The following PCDH11Y variants were observed in gnomAD, a reference collection of about 807,000 sequenced individuals.
The protein encoded by PCDH11Y is protocadherin-11 Y-linked.
For synonymous variants in PCDH11Y, 9 were observed against 83.6 expected (o/e 0.11, Z 4.87); for missense variants, 12 against 224.8 (o/e 0.05, Z 6.05).
chrY:5,171,919 G>A, intron 2 of PCDH11Y, among the ~76,000 whole-genome samples: 1 of 32,677 alleles, frequency 3.1e-5, no homozygotes, highest in Non-Finnish European at 7.6e-5. Flanking sequence ...ATGGACTGTG[G>A]GATAAGTGAT....
intron 2 of PCDH11Y, among the ~76,000 whole-genome samples, chrY:5,325,060 C>T (rs1602904436): frequency 9.3e-5 from 3 of 32,416 alleles, no homozygotes; most frequent in Admixed American, 2.9e-4. Flanking sequence ...GGTAACGTCA[C>T]CAGTTAAGGC....
chrY:5,539,784 G>A (rs2053404457), intron 3 of PCDH11Y, among the ~76,000 whole-genome samples: 1 of 31,997 alleles, frequency 3.1e-5, no homozygotes, highest in East Asian at 8.1e-4. Flanking sequence ...GCAAAAACAG[G>A]GTATTGCATA....
intron 2 of PCDH11Y, among the ~76,000 whole-genome samples, chrY:5,336,406 G>T: frequency 3.2e-5 from 1 of 30,866 alleles, no homozygotes; most frequent in Non-Finnish European, 7.7e-5. Context: ...GAGTAGCTGG[G>T]ACTACAGGCG....
intron 2 of PCDH11Y, among the ~76,000 whole-genome samples, chrY:5,489,020 A>G: frequency 3.0e-5 from 1 of 33,013 alleles, no homozygotes; most frequent in African/African-American, 1.2e-4. Context: ...TTCACTGTAA[A>G]TAGAAGCAAA....
intron 2 of PCDH11Y, among the ~76,000 whole-genome samples, chrY:5,372,194 A>T: frequency 3.1e-5 from 1 of 32,098 alleles, no homozygotes; most frequent in Non-Finnish European, 7.7e-5. Flanking sequence ...ATTTGATCAC[A>T]ATCTCTAATT....
intron 1 of PCDH11Y, among the ~76,000 whole-genome samples, chrY:5,087,122 T>G: frequency 3.0e-5 from 1 of 33,681 alleles, no homozygotes; most frequent in African/African-American, 1.2e-4. Flanking sequence ...CAACATGCAA[T>G]CCTTCCCTTG....
chrY:5,653,251 G>A, intron 4 of PCDH11Y, among the ~76,000 whole-genome samples: 1 of 30,144 alleles, frequency 3.3e-5, no homozygotes, highest in Non-Finnish European at 7.9e-5. Context: ...AAGCTGGACA[G>A]AGAATGACTT....
chrY:5,066,030 G>A (rs2563795), intron 1 of PCDH11Y, among the ~76,000 whole-genome samples: 1 of 28,301 alleles, frequency 3.5e-5, no homozygotes, highest in Non-Finnish European at 8.2e-5. Context: ...GTGTAATAAC[G>A]TACTTGAACT....
chrY:5,209,315 T>A (rs2124650835), intron 2 of PCDH11Y, among the ~76,000 whole-genome samples: 1 of 33,239 alleles, frequency 3.0e-5, no homozygotes, highest in East Asian at 8.0e-4. Context: ...CCGCCCCCCA[T>A]CCAGAGACCA....
chrY:5,659,298 A>G, intron 4 of PCDH11Y, among the ~76,000 whole-genome samples: 2 of 32,409 alleles, frequency 6.2e-5, no homozygotes, highest in African/African-American at 1.2e-4. Flanking sequence ...GTTGACTCCA[A>G]GGTTCTAGGG....
chrY:5,695,737 A>C, intron 4 of PCDH11Y, among the ~76,000 whole-genome samples: 1 of 32,294 alleles, frequency 3.1e-5, no homozygotes, highest in Non-Finnish European at 7.7e-5. Context: ...TTGCATGAAC[A>C]AAAAAAGCAC....
exon 5 of PCDH11Y, chrY:5,738,830 T>G: frequency 3.3e-5 from 1 of 30,131 alleles, no homozygotes; most frequent in Non-Finnish European, 8.0e-5. Flanking sequence ...GCCTAGAAAA[T>G]TAAAAGGAGG....
intron 2 of PCDH11Y, among the ~76,000 whole-genome samples, chrY:5,240,157 C>T: frequency 5.9e-5 from 2 of 33,702 alleles, no homozygotes; most frequent in Admixed American, 5.5e-4. Context: ...TTTTATCATT[C>T]GTAAGAAGCA....
intron 2 of PCDH11Y, among the ~76,000 whole-genome samples, chrY:5,249,106 C>T: frequency 3.1e-5 from 1 of 32,272 alleles, no homozygotes; most frequent in Non-Finnish European, 7.5e-5. Flanking sequence ...ACATTCCAGA[C>T]TCATAGATAG....
chrY:5,140,724 A>G, intron 2 of PCDH11Y, among the ~76,000 whole-genome samples: 1 of 32,851 alleles, frequency 3.0e-5, no homozygotes, highest in Non-Finnish European at 7.5e-5. Flanking sequence ...CTGCAAAAAA[A>G]AAAATGTGTT....
At chrY:5,292,247 A>C in intron 2 of PCDH11Y, among the ~76,000 whole-genome samples, 1 of 33,243 alleles carries the variant, frequency 3.0e-5, no homozygotes, top group Non-Finnish European at 7.4e-5. Context: ...TTTTGGTATC[A>C]GGGTAATACT....
intron 2 of PCDH11Y, among the ~76,000 whole-genome samples, chrY:5,321,833 G>A: frequency 3.3e-5 from 1 of 30,439 alleles, no homozygotes; most frequent in Non-Finnish European, 7.8e-5. Flanking sequence ...GCCAGGTGGC[G>A]TGCACTTGTG....
intron 3 of PCDH11Y, among the ~76,000 whole-genome samples, chrY:5,580,172 G>A: frequency 4.4e-4 from 14 of 31,744 alleles, no homozygotes; most frequent in African/African-American, 1.7e-3. Flanking sequence ...GTTAAAATGT[G>A]TTTGTTTTCT....
At chrY:5,538,339 C>T in intron 3 of PCDH11Y, among the ~76,000 whole-genome samples, 2 of 33,319 alleles carry the variant, frequency 6.0e-5, no homozygotes, top group African/African-American at 1.2e-4. Flanking sequence ...ACTTAGAAAG[C>T]TTTTGAAATA....
Sources: gnomAD v4.1 joint callset for allele counts (sites outside exome capture counted in the v4.1 genomes callset) on GRCh38, gnomAD v4.1.1 for gene constraint, MANE v1.5 for transcripts, NCBI Gene and HGNC (gene_info 2026-07-23, HGNC 2026-07-21) for gene names.